Variants in CFDP1 observed in about 807,000 individuals in gnomAD.
CFDP1 encodes the protein heterochromatin-stabilizing protein CFDP1.
In CFDP1, 31 loss-of-function variants were observed where a neutral mutation model predicts 40.1. That is an observed-to-expected ratio of 0.77 (90% CI 0.58 to 1.04). CFDP1 has a LOEUF of 1.04. Among genes scored for constraint, CFDP1 ranks in the 50% least tolerant of loss-of-function variants. The pLI is 0.00. For missense variants in CFDP1, 423 were observed against 343.4 expected (o/e 1.23, Z -1.83); for synonymous variants, 167 against 120.0 (o/e 1.39, Z -2.56).
rs564473644 is a variant in CFDP1, at chr16:75,375,790, C to CAA, written c.650+19298_650+19299dup. Among the ~76,000 whole-genome samples the CAA allele has an allele frequency of 2.5e-3, 308 of 125,606 alleles. 4 individuals carry two copies. Among genetic ancestry groups the CAA allele is most frequent in the African/African-American group, 5.9e-3 (186 of 31,446 alleles). 82.4% of individuals were successfully genotyped at this position (125,606 alleles called of 152,430 possible). A position where few individuals can be genotyped will look rare whatever the true frequency, so the allele number is the denominator to read the frequency against. On this transcript the variant is annotated intron_variant, in intron 5 of 6. Coordinates refer to ENST00000283882, the MANE Select transcript of CFDP1 (RefSeq NM_006324.3). Reference sequence around the variant, plus strand: ...TGGGCGACAGAGCGAGACTCCATCTCAAAAAAAAAAAAAAAGACTGACAAC... The same window carrying CAA: ...TGGGCGACAGAGCGAGACTCCATCTCAAAAAAAAAAAAAAAAAGACTGACAAC...
At chr16:75,337,675 G>C (rs2078498919) in intron 5 of CFDP1, among the ~76,000 whole-genome samples, 1 of 152,140 alleles carries the variant, frequency 6.6e-6, no homozygotes, top group Admixed American at 6.5e-5. Flanking sequence ...GGCGCAGGAG[G>C]AAGAGACAGA....
At chr16:75,427,066 A>C (rs1045631393) in intron 1 of CFDP1, among the ~76,000 whole-genome samples, 7 of 151,896 alleles carry the variant, frequency 4.6e-5, no homozygotes, top group African/African-American at 1.5e-4. Context: ...AAAAAAAACA[A>C]AACAAATATC....
chr16:75,315,986 T>A (rs546250773), intron 5 of CFDP1, among the ~76,000 whole-genome samples: 24 of 152,308 alleles, frequency 1.6e-4, no homozygotes, highest in Middle Eastern at 3.4e-3. Flanking sequence ...GGTTTTGTTG[T>A]TTTGATTTTT....
intron 5 of CFDP1, among the ~76,000 whole-genome samples, chr16:75,350,676 A>T (rs1423188143): frequency 1.3e-5 from 2 of 152,186 alleles, no homozygotes; most frequent in African/African-American, 2.4e-5. Context: ...AAAAGACTAG[A>T]AGCAACCCAA....
chr16:75,392,509 T>C (rs2078960710), intron 5 of CFDP1, among the ~76,000 whole-genome samples: 1 of 152,242 alleles, frequency 6.6e-6, no homozygotes, highest in Non-Finnish European at 1.5e-5. Flanking sequence ...TTATTCTTTA[T>C]TCTTTTGAGA....
At chr16:75,342,040 T>G (rs2078530917) in intron 5 of CFDP1, among the ~76,000 whole-genome samples, 1 of 152,212 alleles carries the variant, frequency 6.6e-6, no homozygotes, top group African/African-American at 2.4e-5. Flanking sequence ...ACATTCCAAG[T>G]TAAATAGCTT....
chr16:75,422,823 G>A (rs2079295419), intron 1 of CFDP1, among the ~76,000 whole-genome samples: 1 of 151,942 alleles, frequency 6.6e-6, no homozygotes, highest in Non-Finnish European at 1.5e-5. Context: ...TCCAGCCTGG[G>A]TGACGGAGCA....
intron 6 of CFDP1, among the ~76,000 whole-genome samples, chr16:75,300,566 C>T (rs1219708555): frequency 6.6e-6 from 1 of 152,130 alleles, no homozygotes; most frequent in Non-Finnish European, 1.5e-5. Flanking sequence ...GGATTACAGG[C>T]GTGAGCCACC....
intron 2 of CFDP1, 40 bp downstream of exon 2, chr16:75,414,538 A>C: frequency 8.3e-7 from 1 of 1,205,658 alleles, no homozygotes; most frequent in South Asian, 1.2e-5. Context: ...TGGTTGTGAC[A>C]ATAGCCCCTA....
intron 6 of CFDP1, among the ~76,000 whole-genome samples, chr16:75,298,424 A>T (rs886730873): frequency 2.0e-5 from 3 of 152,168 alleles, no homozygotes; most frequent in African/African-American, 7.2e-5. Context: ...GAGCACATGG[A>T]AGTGCAGGGA....
intron 5 of CFDP1, chr16:75,391,337 C>T (rs537744112): frequency 6.6e-6 from 1 of 152,326 alleles, no homozygotes; most frequent in South Asian, 2.1e-4. Context: ...CATAGCAATA[C>T]TTTCAATAAG....
intron 5 of CFDP1, among the ~76,000 whole-genome samples, chr16:75,339,931 TG>T (rs1418834106): frequency 6.6e-6 from 1 of 152,244 alleles, no homozygotes; most frequent in Non-Finnish European, 1.5e-5. Context: ...TGTCTTAAGA[TG>T]ATCAATCCAT....
chr16:75,353,723 T>C (rs1289694261), intron 5 of CFDP1, among the ~76,000 whole-genome samples: 3 of 116,102 alleles, frequency 2.6e-5, no homozygotes, highest in Non-Finnish European at 4.8e-5. Context: ...CACTCCAGCC[T>C]GGGCGACACA....
At chr16:75,407,608 G>A (rs963144206) in intron 4 of CFDP1, among the ~76,000 whole-genome samples, 15 of 143,452 alleles carry the variant, frequency 1.0e-4, no homozygotes, top group African/African-American at 3.8e-4. Flanking sequence ...ACTGAGCCTC[G>A]TAGGTTGGTT....
At chr16:75,307,461 C>G (rs996104904) in intron 5 of CFDP1, among the ~76,000 whole-genome samples, 1 of 152,116 alleles carries the variant, frequency 6.6e-6, no homozygotes, top group African/African-American at 2.4e-5. Flanking sequence ...GGGTGATCTG[C>G]CCACCTCGGC....
intron 4 of CFDP1, among the ~76,000 whole-genome samples, chr16:75,406,857 C>A (rs1411518598): frequency 6.6e-6 from 1 of 151,930 alleles, no homozygotes; most frequent in Non-Finnish European, 1.5e-5. Context: ...ACCATCTCTA[C>A]TAAAAATACA....
chr16:75,406,918 G>C (rs1434598609), intron 4 of CFDP1, among the ~76,000 whole-genome samples: 1 of 152,184 alleles, frequency 6.6e-6, no homozygotes, highest in Admixed American at 6.5e-5. Context: ...CTACTCGAGA[G>C]ACTGAGGCAG....
chr16:75,295,264 C>A (rs535460195), intron 6 of CFDP1, among the ~76,000 whole-genome samples: 139 of 152,346 alleles, frequency 9.1e-4, no homozygotes, highest in African/African-American at 3.0e-3. Context: ...CTACCCTGAC[C>A]CTTCTGGAGG....
At chr16:75,303,406 T>TGTATGTATGTATGTAC (rs1300979167) in intron 6 of CFDP1, among the ~76,000 whole-genome samples, 4 of 150,862 alleles carry the variant, frequency 2.7e-5, no homozygotes, top group Non-Finnish European at 4.4e-5. Flanking sequence ...AATAAATGTA[T>TGTATGTATGTATGTAC]GTATGTATGT....
Sources: allele counts gnomAD v4.1 joint callset (sites outside exome capture counted in the v4.1 genomes callset), GRCh38; gene constraint gnomAD v4.1.1; transcripts MANE v1.5; gene names NCBI Gene and HGNC (gene_info 2026-07-23, HGNC 2026-07-21).